Variants in MAPK10 observed in about 807,000 individuals in gnomAD.
MAPK10 encodes mitogen-activated protein kinase 10, also known as JNK3 alpha protein kinase.
MAPK10 carries 25 observed loss-of-function variants against 59.3 expected under a neutral mutation model. The observed-to-expected ratio is 0.42, with a 90% CI of 0.31 to 0.59. The LOEUF is 0.59. MAPK10 is among the 20% of genes least tolerant of loss of function. The probability of loss-of-function intolerance (pLI) is 0.15; values close to 1 mark genes in which losing one functional copy is unlikely to be tolerated. For missense variants in MAPK10, 351 were observed against 568.9 expected (o/e 0.62, Z 3.90); for synonymous variants, 190 against 200.5 (o/e 0.95, Z 0.44).
chr4:86,111,227 C>A (rs936871584), intron 4 of MAPK10, among the ~76,000 whole-genome samples: 1 of 152,156 alleles, frequency 6.6e-6, no homozygotes, highest in Non-Finnish European at 1.5e-5. Flanking sequence ...ATTTCTTTCT[C>A]TTGCCCGATG....
At chr4:86,237,377 G>A (rs574124545) in intron 2 of MAPK10, among the ~76,000 whole-genome samples, 5 of 152,262 alleles carry the variant, frequency 3.3e-5, no homozygotes, top group African/African-American at 1.2e-4. Context: ...ACCCAGTAAT[G>A]AGATTGCTGG....
intron 2 of MAPK10, among the ~76,000 whole-genome samples, chr4:86,285,831 T>C (rs2094985117): frequency 6.6e-6 from 1 of 152,148 alleles, no homozygotes; most frequent in Admixed American, 6.5e-5. Context: ...GGGAAGCCAA[T>C]GGTATGAGTC....
chr4:86,014,325 TG>T lies in MAPK10; in HGVS notation c.*2902del, dbSNP rs1742435864. On this transcript the variant is annotated 3_prime_UTR_variant, in exon 14 of 14. Transcript: ENST00000641462. ...TGGGGTGTGTGTGTGTGTGTGTGTG[TG>T]TGTGTGTGTGTGTGTGTGTTAAGAC... 6.9e-6 allele frequency: 1 copy of T among 144,232 alleles called. No individual in the cohort carries two copies. Among genetic ancestry groups the T allele is most frequent in the Non-Finnish European group, 1.5e-5 (1 of 66,344 alleles). 8.9% of individuals were successfully genotyped at this position (144,232 alleles called of 1,614,324 possible).
intron 11 of MAPK10, among the ~76,000 whole-genome samples, chr4:86,057,640 T>C (rs1355426403): frequency 2.0e-5 from 3 of 149,968 alleles, no homozygotes; most frequent in Non-Finnish European, 4.4e-5. Flanking sequence ...GCTGAATCAC[T>C]ATCATCTAGG....
chr4:86,359,379 C>A (rs1037732272), intron 1 of MAPK10, among the ~76,000 whole-genome samples: 8 of 149,498 alleles, frequency 5.4e-5, no homozygotes, highest in Non-Finnish European at 8.9e-5. Context: ...GGTCTAAAAA[C>A]CCCTGGTCAC....
Position 86,371,682 on chromosome 4 carries a change from G to C in MAPK10, c.-121-17038C>G, listed in dbSNP as rs4618275. Among the ~76,000 whole-genome samples, 21 of 152,060 alleles carry C rather than the reference G, an allele frequency of 1.4e-4. 1 individual carries two copies. The highest frequency in any genetic ancestry group is 2.4e-4 in the Non-Finnish European group (16 of 67,980). ...TTTCTGCATTTCCAACTGAGGTACC[G>C]GGCTCATCTCACTGGGATTGGTTAC... On this transcript the variant is annotated intron_variant, in intron 1 of 13. Transcript: ENST00000361569.
chr4:86,496,014 A>C (rs574740665), intron 1 of MAPK10, among the ~76,000 whole-genome samples: 117 of 152,378 alleles, frequency 7.7e-4, no homozygotes, highest in Admixed American at 3.6e-3. Flanking sequence ...AACATCAAAA[A>C]TTTGAAATTT....
intron 2 of MAPK10, among the ~76,000 whole-genome samples, chr4:86,198,723 A>T (rs2081961219): frequency 6.6e-6 from 1 of 151,724 alleles, no homozygotes; most frequent in South Asian, 2.1e-4. Context: ...TATTAATAAA[A>T]TAAACTATAT....
intron 2 of MAPK10, among the ~76,000 whole-genome samples, chr4:86,282,094 G>GA (rs1423561998): frequency 6.6e-6 from 1 of 152,138 alleles, no homozygotes; most frequent in Non-Finnish European, 1.5e-5. Flanking sequence ...GAACTCAGGA[G>GA]AAATTTATTG....
chr4:86,085,439 T>C (rs2051579231), intron 9 of MAPK10, among the ~76,000 whole-genome samples: 1 of 152,068 alleles, frequency 6.6e-6, no homozygotes. Context: ...GGGCAAAAGA[T>C]TTAAATAGAC....
chr4:86,426,438 T>G (rs1004448727), intron 1 of MAPK10, among the ~76,000 whole-genome samples: 2 of 152,194 alleles, frequency 1.3e-5, no homozygotes, highest in Non-Finnish European at 2.9e-5. Context: ...ATCTGGCCTT[T>G]TCAAGTTTTC....
intron 13 of MAPK10, chr4:86,024,636 A>G (rs182670015): frequency 1.1e-3 from 174 of 152,346 alleles, no homozygotes; most frequent in African/African-American, 4.1e-3. Context: ...ACAAAACAGT[A>G]TTGAGTATCT....
intron 4 of MAPK10, among the ~76,000 whole-genome samples, chr4:86,115,610 C>T (rs748826170): frequency 4.6e-5 from 7 of 151,984 alleles, no homozygotes; most frequent in East Asian, 1.9e-4. Context: ...TACAGTCATG[C>T]GCCACCACGC....
At chr4:86,077,673 G>A (rs975357887) in intron 9 of MAPK10, among the ~76,000 whole-genome samples, 3 of 151,986 alleles carry the variant, frequency 2.0e-5, no homozygotes, top group Non-Finnish European at 4.4e-5. Context: ...TCTGCTCTAG[G>A]CCTTATATCC....
rs555495140 is a variant in MAPK10 at position 86,017,531 on chromosome 4, T to A, written c.1253-161A>T. Among the ~76,000 whole-genome samples the A allele has an allele frequency of 6.6e-6, 1 of 152,320 alleles. No individual in the cohort carries two copies. Among genetic ancestry groups the A allele is most frequent in the South Asian group, 2.1e-4 (1 of 4,828 alleles). On this transcript the variant is annotated intron_variant, in intron 13 of 13. Transcript: ENST00000641462. The surrounding 1 kb of genome is among the most constrained non-coding windows in gnomAD (Gnocchi z 4.4). ...AGCTGACATAGGGGAGCATATCAAATGGTGACAATCAAGACATAGCAATAA... is the reference window on the plus strand; with the variant it reads ...AGCTGACATAGGGGAGCATATCAAAAGGTGACAATCAAGACATAGCAATAA...
intron 2 of MAPK10, among the ~76,000 whole-genome samples, chr4:86,316,038 A>T (rs2095779932): frequency 6.6e-6 from 1 of 152,110 alleles, no homozygotes; most frequent in Non-Finnish European, 1.5e-5. Context: ...TTTTTAAAGG[A>T]CGTCACTGCT....
In MAPK10 at chr4:86,013,444, A is replaced by AT. The variant is rs1164336335; in HGVS notation, c.*3783dup. ...CTCTTTCTGAGCTGTAGAAGAATAC[A>AT]TTTTTCAGCAAAGCTGGCTAATAAC... is the stretch of plus-strand genomic sequence containing the variant. On this transcript the variant is annotated 3_prime_UTR_variant, in exon 14 of 14. Transcript: ENST00000641462. 6.6e-6 allele frequency: 1 copy of AT among 152,150 alleles called. No homozygotes were observed. Among genetic ancestry groups the AT allele is most frequent in the Non-Finnish European group, 1.5e-5 (1 of 68,024 alleles). 9.4% of individuals were successfully genotyped at this position (152,150 alleles called of 1,614,324 possible).
chr4:86,269,061 C>A (rs2094347789), intron 2 of MAPK10, among the ~76,000 whole-genome samples: 1 of 152,086 alleles, frequency 6.6e-6, no homozygotes, highest in Non-Finnish European at 1.5e-5. Context: ...GACTAAAATG[C>A]ACCTTTCTGG....
intron 1 of MAPK10, among the ~76,000 whole-genome samples, chr4:86,444,600 A>G (rs779423238): frequency 1.9e-4 from 29 of 152,156 alleles, no homozygotes; most frequent in Non-Finnish European, 4.0e-4. Flanking sequence ...GCTTCTGCAC[A>G]GCAAAAGAAA....
Sources: allele counts gnomAD v4.1 joint callset (sites outside exome capture counted in the v4.1 genomes callset), GRCh38; gene constraint gnomAD v4.1.1; non-coding constraint Gnocchi (gnomAD v3.1); transcripts MANE v1.5; gene names NCBI Gene and HGNC (gene_info 2026-07-23, HGNC 2026-07-21).